DOCK1: variants seen among roughly 807,000 people sequenced by gnomAD.
DOCK1 encodes dedicator of cytokinesis 1.
In DOCK1, 138 loss-of-function variants were observed where a neutral mutation model predicts 262.7. That is an observed-to-expected ratio of 0.53 (90% CI 0.46 to 0.61). The LOEUF is 0.61. Among genes scored for constraint, DOCK1 ranks in the 20% least tolerant of loss-of-function variants. DOCK1 has a pLI of 0.00. For missense variants in DOCK1, 1,908 were observed against 2,370.7 expected, an observed-to-expected ratio of 0.80 and a Z score of 4.05; for synonymous variants, 866 against 867.4, an observed-to-expected ratio of 1.00 and a Z score of 0.03.
At chr10:127,440,563 C>T (rs4750885) in intron 49 of DOCK1, among the ~76,000 whole-genome samples, 51,763 of 152,078 alleles carry the variant, frequency 0.34, 10,271 homozygotes, top group Non-Finnish European at 0.46. Flanking sequence ...TGGGCGTCGG[C>T]GGGCTGTGAT....
At chr10:127,287,011 C>T (rs1055779691) in intron 29 of DOCK1, among the ~76,000 whole-genome samples, 3 of 151,338 alleles carry the variant, frequency 2.0e-5, no homozygotes, top group East Asian at 1.9e-4. Flanking sequence ...GGGTTCATGC[C>T]GTTCTCCTGC....
intron 38 of DOCK1, chr10:127,402,631 G>A (rs2067285636): frequency 1.9e-6 from 1 of 514,666 alleles, no homozygotes; most frequent in Non-Finnish European, 3.9e-6. Flanking sequence ...TGGACAGCTT[G>A]GGAAAAGAGC....
At chr10:127,165,141 G>A (rs570504166) in intron 27 of DOCK1, among the ~76,000 whole-genome samples, 2 of 152,278 alleles carry the variant, frequency 1.3e-5, no homozygotes, top group South Asian at 4.1e-4. Context: ...ACAGAGGTTC[G>A]AATTTGAAAG....
At chr10:126,947,460 G>A (rs2035562597) in intron 1 of DOCK1, among the ~76,000 whole-genome samples, 9 of 144,844 alleles carry the variant, frequency 6.2e-5, no homozygotes, top group South Asian at 2.3e-4. Context: ...GGTGGTGGTT[G>A]GTAGTATTAC....
intron 4 of DOCK1, among the ~76,000 whole-genome samples, chr10:126,984,974 CTTTTTTTTTTTTT>C (rs553086410): frequency 1.2e-5 from 1 of 85,128 alleles, no homozygotes; most frequent in East Asian, 3.8e-4. Flanking sequence ...ATGTCCCATT[CTTTTTTTTTTTTT>C]TTTTTTTTTT....
At chr10:127,136,869 C>T (rs769296400) in intron 27 of DOCK1, 10 of 152,502 alleles carry the variant, frequency 6.6e-5, no homozygotes, top group Non-Finnish European at 1.0e-4. Context: ...TTGTACATAA[C>T]GTCTGGCTGC....
At chr10:127,216,327 A>C (rs1221181965) in intron 27 of DOCK1, among the ~76,000 whole-genome samples, 1 of 150,074 alleles carries the variant, frequency 6.7e-6, no homozygotes, top group Non-Finnish European at 1.5e-5. Flanking sequence ...AAAAAAAAAG[A>C]AAAAGAACAA....
At chr10:126,912,725 C>T (rs1000032635) in intron 1 of DOCK1, among the ~76,000 whole-genome samples, 4 of 27,352 alleles carry the variant, frequency 1.5e-4, no homozygotes, top group South Asian at 5.6e-3. Flanking sequence ...GACTCCATCT[C>T]GGAAAAAAAA....
Position 127,283,478 on chromosome 10 carries a change from A to T in DOCK1, c.3044+26049A>T, listed in dbSNP as rs2061036560. On this transcript the variant is annotated intron_variant, in intron 29 of 51. Transcript: ENST00000623213. ...AGTTTCCTTCCGATGCATTACATTC[A>T]TTAGTTATAGAAGGAATAAAGCCAT... is the stretch of plus-strand genomic sequence containing the variant. Among the ~76,000 whole-genome samples, 4 of 152,350 alleles carry T rather than the reference A, an allele frequency of 2.6e-5. No individual in the cohort carries two copies. In the South Asian group the frequency reaches 8.3e-4, roughly 32 times the overall value.
At chr10:127,263,109 TC>T (rs945535609) in intron 29 of DOCK1, among the ~76,000 whole-genome samples, 2 of 152,228 alleles carry the variant, frequency 1.3e-5, no homozygotes, top group African/African-American at 4.8e-5. Context: ...TAACAACTTT[TC>T]CACAAGGTTT....
chr10:127,325,042 G>A (rs1564993474), intron 29 of DOCK1, among the ~76,000 whole-genome samples: 3 of 152,116 alleles, frequency 2.0e-5, no homozygotes, highest in Admixed American at 6.5e-5. Flanking sequence ...GCCCGGGAGA[G>A]TCCCTGAAAC....
intron 1 of DOCK1, among the ~76,000 whole-genome samples, chr10:126,947,306 TTGG>T (rs1160808559): frequency 0.15 from 14,479 of 98,974 alleles, 253 homozygotes; most frequent in East Asian, 0.31. Flanking sequence ...AGTATTACTG[TTGG>T]TGGTGATGGT....
At chr10:127,379,377 C>T (rs963676010) in intron 35 of DOCK1, among the ~76,000 whole-genome samples, 1 of 152,158 alleles carries the variant, frequency 6.6e-6, no homozygotes, top group Non-Finnish European at 1.5e-5. Context: ...AGAGGCAGCC[C>T]TCTTTTTTTA....
chr10:126,988,854 C>T (rs1470059359), intron 5 of DOCK1, among the ~76,000 whole-genome samples: 3 of 152,122 alleles, frequency 2.0e-5, no homozygotes, highest in African/African-American at 7.2e-5. Context: ...GGATGGATCA[C>T]TTGAGGTGAG....
intron 27 of DOCK1, among the ~76,000 whole-genome samples, chr10:127,219,512 C>T (rs1020916660): frequency 4.3e-4 from 66 of 152,222 alleles, no homozygotes; most frequent in African/African-American, 1.5e-3. Context: ...AATTTATCAC[C>T]TTTGCCATTT....
At chr10:127,137,789 C>T (rs1255376148) in intron 27 of DOCK1, 4 of 1,538,354 alleles carry the variant, frequency 2.6e-6, no homozygotes, top group African/African-American at 1.4e-5. Context: ...TTGACTTAAA[C>T]TCCAGTGGGT....
intron 50 of DOCK1, among the ~76,000 whole-genome samples, 181 bp from the exon 51 acceptor site, chr10:127,447,213 G>C (rs915050462): frequency 1.3e-5 from 2 of 152,204 alleles, no homozygotes; most frequent in African/African-American, 4.8e-5. Flanking sequence ...CGTTAGGAGA[G>C]GGTCCCACCC....
chr10:127,000,016 T>C (rs189729055), intron 9 of DOCK1, among the ~76,000 whole-genome samples, 156 bp from the exon 10 acceptor site: 6 of 152,360 alleles, frequency 3.9e-5, no homozygotes, highest in East Asian at 1.9e-4. Flanking sequence ...TAATTGACTA[T>C]TGTTATTAAA....
chr10:127,437,873 A>G lies in DOCK1; in HGVS notation c.5061-1154A>G, dbSNP rs2069804773. Among the ~76,000 whole-genome samples the G allele has an allele frequency of 6.6e-6, 1 of 152,206 alleles. No homozygotes were observed. Among genetic ancestry groups the G allele is most frequent in the African/African-American group, 2.4e-5 (1 of 41,474 alleles). On this transcript the variant is annotated intron_variant, in intron 48 of 51. Coordinates refer to ENST00000623213, the MANE Select transcript of DOCK1 (RefSeq NM_001290223.2). The surrounding 1 kb of genome is among the most constrained non-coding windows in gnomAD (Gnocchi z 4.4). ...AAACTAGAGCTAGGATGAAAATATG[A>G]CTGGCTGGCTAAATTATCTTCTCTT... is the stretch of plus-strand genomic sequence containing the variant.
Sources: allele counts gnomAD v4.1 joint callset (sites outside exome capture counted in the v4.1 genomes callset), GRCh38; gene constraint gnomAD v4.1.1; non-coding constraint Gnocchi (gnomAD v3.1); transcripts MANE v1.5; gene names NCBI Gene and HGNC (gene_info 2026-07-23, HGNC 2026-07-21).